PRKN: variants seen among roughly 807,000 people sequenced by gnomAD.
PRKN encodes the protein parkin RBR E3 ubiquitin protein ligase.
In PRKN, 56 loss-of-function variants were observed where a neutral mutation model predicts 59.5. The observed-to-expected ratio is 0.94, with a 90% CI of 0.76 to 1.18. The LOEUF (loss-of-function observed/expected upper bound fraction) is 1.18, where lower values mean the gene tolerates loss of function less well. Among genes scored for constraint, PRKN ranks in the 50% most tolerant of loss-of-function variants. The pLI is 0.00. For synonymous variants in PRKN, 250 were observed against 222.1 expected, an observed-to-expected ratio of 1.13 and a Z score of -1.12; for missense variants, 657 against 596.4, an observed-to-expected ratio of 1.10 and a Z score of -1.06.
Position 161,428,850 on chromosome 6 carries a change from C to A in PRKN, c.1084-41973G>T, listed in dbSNP as rs1267114764. Among the ~76,000 whole-genome samples the A allele has an allele frequency of 3.3e-5, 5 of 152,106 alleles. No individual in the cohort carries two copies. Among genetic ancestry groups the A allele is most frequent in the Admixed American group, 3.3e-4 (5 of 15,270 alleles). On this transcript the variant is annotated intron_variant, in intron 9 of 11. Coordinates refer to ENST00000366898, the MANE Select transcript of PRKN (RefSeq NM_004562.3). This position sits in a 1 kb window ranked among gnomAD's most constrained non-coding sequence, Gnocchi z 4.0. ...GATGACTGTGTAAGTCCTACATGGC[C>A]ACCCTGCCAGTGTTTCAAGCAGGCC...
At chr6:161,709,663 A>C (rs1187271255) in intron 7 of PRKN, among the ~76,000 whole-genome samples, 2 of 152,214 alleles carry the variant, frequency 1.3e-5, no homozygotes, top group African/African-American at 4.8e-5. Flanking sequence ...GAGACTGTTA[A>C]AAGCCAAACA....
At chr6:162,108,809 A>G (rs1583043974) in intron 4 of PRKN, among the ~76,000 whole-genome samples, 2 of 152,218 alleles carry the variant, frequency 1.3e-5, no homozygotes, top group African/African-American at 4.8e-5. Context: ...TCACCATCAC[A>G]GGAACAAACT....
intron 2 of PRKN, among the ~76,000 whole-genome samples, chr6:162,283,411 T>C (rs1334307737): frequency 6.6e-6 from 1 of 152,204 alleles, no homozygotes; most frequent in Admixed American, 6.5e-5. Flanking sequence ...TTTATGTCTT[T>C]AGAATTCTTT....
At chr6:162,516,359 C>T (rs1241154101) in intron 1 of PRKN, among the ~76,000 whole-genome samples, 2 of 152,186 alleles carry the variant, frequency 1.3e-5, no homozygotes, top group African/African-American at 4.8e-5. Context: ...TCCAATGAAG[C>T]AGATTAAGTC....
chr6:162,199,046 C>A (rs929863263), intron 4 of PRKN, among the ~76,000 whole-genome samples: 1 of 152,180 alleles, frequency 6.6e-6, no homozygotes, highest in Admixed American at 6.5e-5. Flanking sequence ...TTCCCTCTCA[C>A]CTCTTGCCAG....
chr6:161,410,100 G>A lies in PRKN; in HGVS notation c.1084-23223C>T, dbSNP rs149194152. On this transcript the variant is annotated intron_variant, in intron 9 of 11. Coordinates refer to ENST00000366898, the MANE Select transcript of PRKN (RefSeq NM_004562.3). This position sits in a 1 kb window ranked among gnomAD's most constrained non-coding sequence, Gnocchi z 5.3. The stretch of plus-strand genomic sequence containing the variant: ...CAGCCCGTGCATCTGCTGGGTCAGC[G>A]GTCTGGCACTTTTTTTGAGTGTCTG... 0.016 allele frequency among the ~76,000 whole-genome samples: 2,396 copies of A among 152,262 alleles called. 39 individuals carry two copies. The highest frequency in any genetic ancestry group is 0.029 in the South Asian group (140 of 4,820).
intron 6 of PRKN, among the ~76,000 whole-genome samples, chr6:161,946,435 C>G (rs1176419486): frequency 1.3e-5 from 2 of 150,828 alleles, no homozygotes; most frequent in Non-Finnish European, 3.0e-5. Flanking sequence ...CTCTCTCTCT[C>G]TCTCTCTCTC....
intron 7 of PRKN, among the ~76,000 whole-genome samples, chr6:161,732,316 A>G (rs1373618083): frequency 6.6e-6 from 1 of 151,900 alleles, no homozygotes; most frequent in African/African-American, 2.4e-5. Context: ...TAAACTCCTG[A>G]CCTCAGGTGA....
At chr6:161,574,380 G>A (rs1781053495) in intron 7 of PRKN, among the ~76,000 whole-genome samples, 1 of 152,130 alleles carries the variant, frequency 6.6e-6, no homozygotes, top group South Asian at 2.1e-4. Context: ...GAGCAATAGA[G>A]ACCATGTCCG....
At chr6:162,005,579 C>A (rs1347188370) in intron 5 of PRKN, among the ~76,000 whole-genome samples, 1 of 151,978 alleles carries the variant, frequency 6.6e-6, no homozygotes, top group Non-Finnish European at 1.5e-5. Context: ...AACTCTTGAG[C>A]CCTTATTTGT....
chr6:162,512,531 T>C (rs1777671820), intron 1 of PRKN, among the ~76,000 whole-genome samples: 1 of 152,232 alleles, frequency 6.6e-6, no homozygotes, highest in South Asian at 2.1e-4. Context: ...TCAGAATACC[T>C]GGGAGTCACA....
intron 7 of PRKN, among the ~76,000 whole-genome samples, chr6:161,775,705 C>T (rs1051825168): frequency 6.6e-5 from 10 of 152,152 alleles, no homozygotes; most frequent in African/African-American, 2.2e-4. Flanking sequence ...GAGCAATGTT[C>T]GAAAACCAAA....
chr6:161,894,087 T>C (rs1045917338), intron 6 of PRKN, among the ~76,000 whole-genome samples: 16 of 152,232 alleles, frequency 1.1e-4, no homozygotes, highest in Non-Finnish European at 2.4e-4. Context: ...GACCTTCTCC[T>C]GTGTCCTCAG....
intron 6 of PRKN, among the ~76,000 whole-genome samples, chr6:161,908,471 TA>T (rs1435580873): frequency 6.6e-6 from 1 of 152,234 alleles, no homozygotes; most frequent in African/African-American, 2.4e-5. Context: ...TCTGGATATT[TA>T]ATGAATTCTG....
chr6:162,251,563 T>C lies in PRKN; in HGVS notation c.412+10962A>G, dbSNP rs116655328. On this transcript the variant is annotated intron_variant, in intron 3 of 11. Coordinates refer to ENST00000366898, the MANE Select transcript of PRKN (RefSeq NM_004562.3). ...AGAATTTCTTTCTTATCTTAAATAG[T>C]AATACATATTCATTCTAGAAAGTTC... Among the ~76,000 whole-genome samples, 795 of 152,308 alleles carry C rather than the reference T, an allele frequency of 5.2e-3. 14 individuals are homozygous for C. Among genetic ancestry groups the C allele is most frequent in the African/African-American group, 0.019 (774 of 41,574 alleles).
intron 9 of PRKN, among the ~76,000 whole-genome samples, chr6:161,543,977 C>G (rs1484232396): frequency 2.0e-5 from 3 of 152,122 alleles, no homozygotes; most frequent in African/African-American, 7.2e-5. Flanking sequence ...TAATGCATAA[C>G]ATGAATTCTT....
rs951083973 is a variant in PRKN at position 161,452,046 on chromosome 6, C to A, written c.1084-65169G>T. On this transcript the variant is annotated intron_variant, in intron 9 of 11. Coordinates refer to ENST00000366898, the MANE Select transcript of PRKN (RefSeq NM_004562.3). ...TCTTGGCTCACTGCACCCTCCCCCTCCCGGGTTCAAGCGATTCTCCTTCCT... is the reference window on the plus strand; with the variant it reads ...TCTTGGCTCACTGCACCCTCCCCCTACCGGGTTCAAGCGATTCTCCTTCCT... 2.0e-5 allele frequency among the ~76,000 whole-genome samples: 3 copies of A among 152,054 alleles called. No individual in the cohort carries two copies. In the East Asian group the frequency reaches 5.8e-4, roughly 30 times the overall value.
chr6:162,160,398 T>C (rs1017944309), intron 4 of PRKN, among the ~76,000 whole-genome samples: 1 of 152,108 alleles, frequency 6.6e-6, no homozygotes, highest in Admixed American at 6.6e-5. Flanking sequence ...CTACAAATGA[T>C]GGGACTAGAG....
At chr6:161,688,393 A>G (rs1785647636) in intron 7 of PRKN, among the ~76,000 whole-genome samples, 1 of 152,222 alleles carries the variant, frequency 6.6e-6, no homozygotes, top group African/African-American at 2.4e-5. Context: ...GGAAGAGCCT[A>G]TGCTCTCATG....
Sources: allele counts gnomAD v4.1 joint callset (sites outside exome capture counted in the v4.1 genomes callset), GRCh38; gene constraint gnomAD v4.1.1; non-coding constraint Gnocchi (gnomAD v3.1); transcripts MANE v1.5; gene names NCBI Gene and HGNC (gene_info 2026-07-23, HGNC 2026-07-21).